Variants in ZNF841 observed in about 807,000 individuals in gnomAD.
The protein encoded by ZNF841 is zinc finger protein 841.
A neutral mutation model predicts 13.0 loss-of-function variants in ZNF841; 11 were observed. The ratio of observed to expected loss-of-function variants is 0.85; its 90% confidence interval spans 0.53 to 1.40. ZNF841 has a LOEUF of 1.40. ZNF841 is among the 40% of genes most tolerant of loss of function. The pLI, the probability that ZNF841 is intolerant of heterozygous loss-of-function variation, is 0.00. For synonymous variants in ZNF841, 369 were observed against 381.6 expected, an observed-to-expected ratio of 0.97 and a Z score of 0.38; for missense variants, 1,068 against 1,139.5, an observed-to-expected ratio of 0.94 and a Z score of 0.90.
At chr19:52,082,393 G>C (rs1452925147) in intron 4 of ZNF841, among the ~76,000 whole-genome samples, 1 of 152,032 alleles carries the variant, frequency 6.6e-6, no homozygotes, top group Admixed American at 6.6e-5. Context: ...AACTTTAAAA[G>C]CAATCAAATA....
intron 1 of ZNF841, among the ~76,000 whole-genome samples, chr19:52,094,759 C>T (rs910289385): frequency 3.5e-4 from 53 of 151,848 alleles, no homozygotes; most frequent in African/African-American, 1.2e-3. Flanking sequence ...GCGGCTCCAA[C>T]TCTTTCACCT....
chr19:52,086,294 TG>T (rs1412422635), intron 3 of ZNF841, among the ~76,000 whole-genome samples: 1 of 152,094 alleles, frequency 6.6e-6, no homozygotes, highest in Admixed American at 6.6e-5. Flanking sequence ...TTGTGATGAA[TG>T]GTTTCACACC....
chr19:52,078,545 A>G (rs557851906), intron 4 of ZNF841, among the ~76,000 whole-genome samples: 172 of 151,834 alleles, frequency 1.1e-3, no homozygotes, highest in African/African-American at 3.9e-3. Flanking sequence ...TAAAAATACA[A>G]AAAATTAGCC....
downstream of ZNF841, among the ~76,000 whole-genome samples, chr19:52,061,729 A>C (rs938015064): frequency 6.6e-6 from 1 of 152,044 alleles, no homozygotes; most frequent in South Asian, 2.1e-4. Context: ...TATTTTTAGT[A>C]GAGACGGGGT....
chr19:52,076,289 T>C lies in ZNF841; in HGVS notation c.143-117A>G, dbSNP rs112668310. 49 of 1,267,126 alleles carry C rather than the reference T, an allele frequency of 3.9e-5. 1 individual carries two copies. The African/African-American group carries it at 5.1e-4, about 13-fold the overall frequency. 78.5% of individuals were successfully genotyped at this position (1,267,126 alleles called of 1,614,324 possible). Reference sequence around the variant, plus strand: ...ACAAAATATTTCACAAACTCATCCATTGATTGCCTCCTTCTGAATGCTTAG... The same window carrying C: ...ACAAAATATTTCACAAACTCATCCACTGATTGCCTCCTTCTGAATGCTTAG... On this transcript the variant is annotated intron_variant, in intron 5 of 6. Coordinates refer to ENST00000594440, the MANE Select transcript of ZNF841 (RefSeq NM_001136499.2).
chr19:52,089,405 G>C (rs2088396092), intron 2 of ZNF841, among the ~76,000 whole-genome samples: 1 of 152,170 alleles, frequency 6.6e-6, no homozygotes, highest in Non-Finnish European at 1.5e-5. Flanking sequence ...CACTGTGGAA[G>C]GCCAAGGTGG....
At chr19:52,074,089 T>A (rs1016709984) in intron 6 of ZNF841, among the ~76,000 whole-genome samples, 1 of 152,202 alleles carries the variant, frequency 6.6e-6, no homozygotes, top group African/African-American at 2.4e-5. Flanking sequence ...TAACTGATAC[T>A]ATCAATACAA....
downstream of ZNF841, among the ~76,000 whole-genome samples, chr19:52,062,094 C>T (rs538269213): frequency 3.7e-4 from 56 of 152,194 alleles, no homozygotes; most frequent in Non-Finnish European, 6.5e-4. Context: ...TGATATACAG[C>T]AATGTAAGGA....
intron 5 of ZNF841, 177 bp from the exon 6 acceptor site, chr19:52,076,349 C>T: frequency 5.4e-6 from 4 of 737,412 alleles, no homozygotes; most frequent in Non-Finnish European, 8.3e-6. Flanking sequence ...TAGCTCTCTC[C>T]CAAGAAATAC....
At chr19:52,091,822 G>C (rs553612604) in intron 2 of ZNF841, among the ~76,000 whole-genome samples, 1 of 152,152 alleles carries the variant, frequency 6.6e-6, no homozygotes, top group South Asian at 2.1e-4. Flanking sequence ...CAAATGGTGG[G>C]ACTACATCAA....
intron 4 of ZNF841, 82 bp from the exon 5 acceptor site, chr19:52,077,166 C>CTTCA: frequency 7.0e-7 from 1 of 1,429,256 alleles, no homozygotes; most frequent in Non-Finnish European, 9.4e-7. Flanking sequence ...AGAACTGTCA[C>CTTCA]ATCAATTTGA....
chr19:52,067,219 T>A lies in ZNF841; in HGVS notation c.663A>T (p.Ser221=), dbSNP rs1160661989. The A allele has an allele frequency of 6.5e-7, 1 of 1,549,572 alleles. No homozygotes were observed. Among genetic ancestry groups the A allele is most frequent in the Non-Finnish European group, 8.7e-7 (1 of 1,146,406 alleles). Residue 221 remains serine, a synonymous_variant, in exon 7 of 7, where the codon TCA becomes TCT. Coordinates refer to ENST00000594440, the MANE Select transcript of ZNF841 (RefSeq NM_001136499.2). ...CACCAGGAAAAATTCTTTGAAGTGG[T>A]GAAGCTAAAAAACAATTATTAACTG... ...ERTVNNCFLA[S]PLQRIFPGVQ...
At chr19:52,070,811 A>T (rs1468368037) in intron 6 of ZNF841, among the ~76,000 whole-genome samples, 5 of 152,240 alleles carry the variant, frequency 3.3e-5, no homozygotes, top group African/African-American at 1.2e-4. Flanking sequence ...CAAGTGAATG[A>T]GTAGGGGTCA....
In ZNF841 at chr19:52,066,052, T is replaced by C; in HGVS notation, c.1830A>G (p.Gly610=). The part of the protein sequence containing the change: ...NVCGKVFIDS[G]NLSIHRRSHT... ...GACTTCGCCTATGAATTGAAAGGTT[T>C]CCACTGTCAATGAAGACCTTGCCAC... Residue 610 remains glycine (G), a synonymous_variant, in exon 7 of 7, where the codon GGA becomes GGG. Coordinates refer to ENST00000594440, the MANE Select transcript of ZNF841 (RefSeq NM_001136499.2). 1 of 1,614,120 alleles carries C rather than the reference T, an allele frequency of 6.2e-7. No individual in the cohort carries two copies. Among genetic ancestry groups the C allele is most frequent in the Non-Finnish European group, 8.5e-7 (1 of 1,179,968 alleles).
intron 6 of ZNF841, among the ~76,000 whole-genome samples, chr19:52,074,376 T>C (rs1221301038): frequency 6.6e-6 from 1 of 152,186 alleles, no homozygotes; most frequent in African/African-American, 2.4e-5. Context: ...ATAAGCCTCA[T>C]TCAACTTCAT....
chr19:52,084,695 G>C, intron 4 of ZNF841, 92 bp downstream of exon 4: 1 of 1,417,320 alleles, frequency 7.1e-7, no homozygotes, highest in East Asian at 2.3e-5. Flanking sequence ...TGTCAGGCAG[G>C]ATACTTCAGA....
chr19:52,091,369 C>CA (rs2088491327), intron 2 of ZNF841, among the ~76,000 whole-genome samples: 1 of 152,136 alleles, frequency 6.6e-6, no homozygotes. Flanking sequence ...TATACAACCA[C>CA]AAAAAACTCC....
chr19:52,061,689 G>A (rs2087399869), downstream of ZNF841, among the ~76,000 whole-genome samples: 1 of 152,138 alleles, frequency 6.6e-6, no homozygotes, highest in African/African-American at 2.4e-5. Context: ...TGGGATTACA[G>A]GCACACACCA....
chr19:52,091,767 T>C (rs2088505250), intron 2 of ZNF841, among the ~76,000 whole-genome samples: 1 of 152,182 alleles, frequency 6.6e-6, no homozygotes, highest in Non-Finnish European at 1.5e-5. Flanking sequence ...TTGACATTGA[T>C]CTTGGCAATG....
Sources: allele counts gnomAD v4.1 joint callset (sites outside exome capture counted in the v4.1 genomes callset), GRCh38; gene constraint gnomAD v4.1.1; transcripts MANE v1.5; gene names NCBI Gene and HGNC (gene_info 2026-07-23, HGNC 2026-07-21).